Variants in BID observed in about 807,000 individuals in gnomAD.
The protein encoded by BID is BH3 interacting domain death agonist, also known as BH3-interacting domain death agonist.
BID carries 19 observed loss-of-function variants against 17.4 expected under a neutral mutation model. The observed-to-expected ratio is 1.09, with a 90% CI of 0.76 to 1.60. The LOEUF (loss-of-function observed/expected upper bound fraction) is 1.60, where lower values mean the gene tolerates loss of function less well. Among genes scored for constraint, BID ranks in the 40% most tolerant of loss-of-function variants. The pLI is 0.00. For missense variants in BID, 226 were observed against 256.0 expected, an observed-to-expected ratio of 0.88 and a Z score of 0.80; for synonymous variants, 108 against 102.8, an observed-to-expected ratio of 1.05 and a Z score of -0.31.
At chr22:17,753,115 C>T (rs997054394) in intron 1 of BID, among the ~76,000 whole-genome samples, 10 of 150,648 alleles carry the variant, frequency 6.6e-5, no homozygotes, top group African/African-American at 2.2e-4. Context: ...TACAGGCGCC[C>T]ACCACCACGC....
At chr22:17,744,236 A>T (rs1279867492) in intron 2 of BID, among the ~76,000 whole-genome samples, 1 of 151,806 alleles carries the variant, frequency 6.6e-6, no homozygotes, top group Admixed American at 6.5e-5. Flanking sequence ...GCGAGCCCCG[A>T]CTCTGCAGAA....
intron 2 of BID, among the ~76,000 whole-genome samples, chr22:17,746,337 A>G (rs769339831): frequency 6.6e-5 from 10 of 152,168 alleles, no homozygotes; most frequent in Non-Finnish European, 1.3e-4. Context: ...GTGCCCCTGA[A>G]TCTAAAATAA....
intron 1 of BID, among the ~76,000 whole-genome samples, chr22:17,752,897 C>T (rs2061550668): frequency 6.6e-6 from 1 of 151,450 alleles, no homozygotes; most frequent in Admixed American, 6.6e-5. Flanking sequence ...GATCTCCTGA[C>T]CTCGTGATCC....
At position 17,738,451 on chromosome 22, in the gene BID, A is replaced by G. The variant is rs147951548; in HGVS notation, c.364-222T>C. ...AAGCAAACGCATGTGTGGTGAGCCC[A>G]TGTGCCCACTGTTAGACGGTGATGG... On this transcript the variant is annotated intron_variant, in intron 4 of 5. Coordinates refer to ENST00000622694, the MANE Select transcript of BID (RefSeq NM_001196.4). 4.2e-3 allele frequency among the ~76,000 whole-genome samples: 633 copies of G among 152,304 alleles called. 3 individuals are homozygous for G. The highest frequency in any genetic ancestry group is 0.015 in the African/African-American group (611 of 41,560).
At position 17,738,016 on chromosome 22, in the gene BID, C is replaced by G. The variant is rs374666749; in HGVS notation, c.576+1G>C. 7.4e-6 allele frequency: 12 copies of G among 1,613,892 alleles called. No individual in the cohort carries two copies. Among genetic ancestry groups the G allele is most frequent in the African/African-American group, 5.3e-5 (4 of 74,936 alleles). The stretch of plus-strand genomic sequence containing the variant: ...AAGGAGCTGACCTCAAGGGTTCTTA[C>G]ATTTCTGGCTAAGCTCCTCACGTAG... On this transcript the variant is annotated splice_donor_variant, in intron 5 of 5. Transcript: ENST00000622694. LOFTEE classifies it high-confidence loss of function.
intron 2 of BID, among the ~76,000 whole-genome samples, chr22:17,747,132 C>T (rs1490164398): frequency 6.6e-6 from 1 of 152,138 alleles, no homozygotes; most frequent in Non-Finnish European, 1.5e-5. Context: ...CGCAAGTGAC[C>T]GTGAAGCCAA....
chr22:17,740,382 T>C (rs1448865087), intron 3 of BID: 32 of 564,372 alleles, frequency 5.7e-5, no homozygotes, highest in South Asian at 4.9e-4. Context: ...GAGGATGCAG[T>C]GAGCCGTGAT....
intron 5 of BID, among the ~76,000 whole-genome samples, chr22:17,737,172 A>G (rs1482518250): frequency 6.7e-6 from 1 of 148,828 alleles, no homozygotes; most frequent in Non-Finnish European, 1.5e-5. Flanking sequence ...TTTGTCTCAA[A>G]CTCCTGGCCT....
At chr22:17,767,281 C>T (rs74625536) in intron 1 of BID, among the ~76,000 whole-genome samples, 3,012 of 151,936 alleles carry the variant, frequency 0.02, 95 homozygotes, top group African/African-American at 0.069. Context: ...GATTTTCCTA[C>T]GTTCTGGAAA....
chr22:17,736,102 G>A (rs1412160296), intron 5 of BID, among the ~76,000 whole-genome samples: 2 of 152,188 alleles, frequency 1.3e-5, no homozygotes, highest in Non-Finnish European at 2.9e-5. Context: ...GTTCTCAGTA[G>A]AGGATTAGAT....
chr22:17,758,174 T>C (rs749327946), intron 1 of BID, among the ~76,000 whole-genome samples: 1 of 152,136 alleles, frequency 6.6e-6, no homozygotes, highest in African/African-American at 2.4e-5. Flanking sequence ...AGAGCTTAAG[T>C]TCCCCAGCTG....
At chr22:17,745,514 G>T (rs1049667606) in intron 2 of BID, among the ~76,000 whole-genome samples, 2 of 151,808 alleles carry the variant, frequency 1.3e-5, no homozygotes, top group African/African-American at 4.8e-5. Flanking sequence ...ATTAGCCAAG[G>T]TGGCATGCAC....
chr22:17,747,722 G>C (rs547958515), intron 2 of BID, among the ~76,000 whole-genome samples: 42 of 152,348 alleles, frequency 2.8e-4, no homozygotes, highest in Non-Finnish European at 5.3e-4. Context: ...AATCCTGCAA[G>C]ACATGTTACA....
intron 2 of BID, 78 bp downstream of exon 2, chr22:17,750,027 G>A: frequency 1.4e-6 from 2 of 1,403,998 alleles, no homozygotes; most frequent in South Asian, 1.2e-5. Flanking sequence ...CCTCAGGGAT[G>A]CGTGGTGGGG....
At chr22:17,741,533 G>A (rs910302252) in intron 3 of BID, among the ~76,000 whole-genome samples, 2 of 151,458 alleles carry the variant, frequency 1.3e-5, no homozygotes, top group Admixed American at 1.3e-4. Flanking sequence ...GAGTGCAGTG[G>A]TACAATCTCA....
At chr22:17,750,691 G>A (rs1250621446) in intron 1 of BID, among the ~76,000 whole-genome samples, 2 of 152,040 alleles carry the variant, frequency 1.3e-5, no homozygotes, top group Admixed American at 1.3e-4. Context: ...AGCCGGGCGT[G>A]GTGGCGGGCG....
chr22:17,753,641 C>T (rs981456664), intron 1 of BID, among the ~76,000 whole-genome samples: 30 of 152,366 alleles, frequency 2.0e-4, no homozygotes, highest in African/African-American at 7.0e-4. Flanking sequence ...ACAGAGGCTC[C>T]CCCGTCAATA....
At position 17,769,535 on chromosome 22, in the gene BID, G is replaced by A. The variant is rs1306049169; in HGVS notation, c.-59+4846C>T. ...AGGCCGGAAGGGTGTGTGGGCCACA[G>A]AGAAGCACCCTGAGGCTGTGCTGTC... On this transcript the variant is annotated intron_variant, in intron 1 of 5. Coordinates refer to ENST00000622694, the MANE Select transcript of BID (RefSeq NM_001196.4). This position sits in a 1 kb window ranked among gnomAD's most constrained non-coding sequence, Gnocchi z 4.8. 1.3e-5 allele frequency among the ~76,000 whole-genome samples: 2 copies of A among 152,244 alleles called. No homozygotes were observed. Among genetic ancestry groups the A allele is most frequent in the African/African-American group, 4.8e-5 (2 of 41,470 alleles).
rs1206075285 is a variant in BID, at chr22:17,734,560, C to CTAAG, written c.*1016_*1019dup. 2.0e-5 allele frequency: 3 copies of CTAAG among 152,188 alleles called. No individual in the cohort carries two copies. Among genetic ancestry groups the CTAAG allele is most frequent in the Non-Finnish European group, 4.4e-5 (3 of 68,032 alleles). 9.4% of individuals were successfully genotyped at this position (152,188 alleles called of 1,614,324 possible). Reference sequence around the variant, plus strand: ...TTTTCCTTATTTATTTTGGTACTACCTAAGTGACTTGGTTTTGACTGTCCC... The same window carrying CTAAG: ...TTTTCCTTATTTATTTTGGTACTACCTAAGTAAGTGACTTGGTTTTGACTGTCCC... On this transcript the variant is annotated 3_prime_UTR_variant, in exon 6 of 6. Transcript: ENST00000622694.
Sources: allele counts gnomAD v4.1 joint callset (sites outside exome capture counted in the v4.1 genomes callset), GRCh38; gene constraint gnomAD v4.1.1; non-coding constraint Gnocchi (gnomAD v3.1); transcripts MANE v1.5; gene names NCBI Gene and HGNC (gene_info 2026-07-23, HGNC 2026-07-21).